The following CNST variants were observed in gnomAD, a reference collection of about 807,000 sequenced individuals.
CNST encodes consortin, connexin sorting protein.
CNST carries 39 observed loss-of-function variants against 72.4 expected under a neutral mutation model. The ratio of observed to expected loss-of-function variants is 0.54; its 90% CI spans 0.42 to 0.70. CNST has a LOEUF of 0.70. Ranked by LOEUF, CNST falls within the 30% of genes least tolerant of loss-of-function variation. The pLI, the probability that CNST is intolerant of heterozygous loss-of-function variation, is 0.00. For synonymous variants in CNST, 332 were observed against 320.1 expected (o/e 1.04, Z -0.40); for missense variants, 871 against 868.5 (o/e 1.00, Z -0.04).
intron 1 of CNST, among the ~76,000 whole-genome samples, chr1:246,571,409 C>T (rs1660059853): frequency 6.6e-6 from 1 of 152,202 alleles, no homozygotes. Flanking sequence ...CTCAGCCTCC[C>T]AAAGTGCTGG....
intron 2 of CNST, among the ~76,000 whole-genome samples, chr1:246,600,447 G>A (rs1266262042): frequency 6.6e-6 from 1 of 152,178 alleles, no homozygotes; most frequent in Non-Finnish European, 1.5e-5. Context: ...CAGAGTTAAG[G>A]GGTTTTACAG....
chr1:246,590,278 T>C (rs925813029), intron 1 of CNST, among the ~76,000 whole-genome samples: 2 of 152,102 alleles, frequency 1.3e-5, no homozygotes, highest in Non-Finnish European at 2.9e-5. Flanking sequence ...GGACAGAAAG[T>C]TTCGCAGGGC....
rs566407909 is a variant in CNST, at chr1:246,577,373, A to G, written c.-52+10710A>G. On this transcript the variant is annotated intron_variant, in intron 1 of 10. Coordinates refer to ENST00000366513, the MANE Select transcript of CNST (RefSeq NM_152609.3). ...TTCCGGTTCTCTTTCTAGACCCTCT[A>G]CTATCCTCTGTGTTTATTTTGAACT... Among the ~76,000 whole-genome samples, 66 of 152,036 alleles carry G rather than the reference A, an allele frequency of 4.3e-4. 1 individual carries two copies. In the South Asian group the frequency reaches 0.012, roughly 28 times the overall value.
chr1:246,626,451 C>CTTTTTTT lies in CNST; in HGVS notation c.585+4835_585+4841dup, dbSNP rs74163468. On this transcript the variant is annotated intron_variant, in intron 3 of 10. Coordinates refer to ENST00000366513, the MANE Select transcript of CNST (RefSeq NM_152609.3). ...TTTCATCCAATCCTGTAGGTTTGTCCTTTTTTTTTTTTTTTTTTTTTTTTG... is the reference window on the plus strand; with the variant it reads ...TTTCATCCAATCCTGTAGGTTTGTCCTTTTTTTTTTTTTTTTTTTTTTTTTTTTTTTG... Among the ~76,000 whole-genome samples the CTTTTTTT allele has an allele frequency of 9.9e-4, 79 of 79,956 alleles. 2 individuals carry two copies. Among genetic ancestry groups the CTTTTTTT allele is most frequent in the Non-Finnish European group, 1.1e-3 (50 of 44,148 alleles). 52.5% of individuals were successfully genotyped at this position (79,956 alleles called of 152,430 possible).
chr1:246,617,255 C>G (rs4654122), intron 2 of CNST, among the ~76,000 whole-genome samples: 73,474 of 152,006 alleles, frequency 0.48, 18,624 homozygotes, highest in Non-Finnish European at 0.56. Flanking sequence ...TATATACAAG[C>G]TCAATGATGT....
chr1:246,646,172 CG>C (rs1345960583), intron 8 of CNST, among the ~76,000 whole-genome samples: 2 of 150,076 alleles, frequency 1.3e-5, no homozygotes, highest in Non-Finnish European at 2.9e-5. Context: ...CCCAGCTACT[CG>C]GGAGGCTGAG....
At chr1:246,641,831 G>T (rs1442620299) in intron 7 of CNST, 61 bp downstream of exon 7, 7 of 1,240,924 alleles carry the variant, frequency 5.6e-6, no homozygotes, top group South Asian at 1.3e-5. Flanking sequence ...TATGTCTGTT[G>T]TATGGACTAT....
intron 2 of CNST, among the ~76,000 whole-genome samples, chr1:246,617,360 T>C (rs1389573707): frequency 6.6e-6 from 1 of 152,248 alleles, no homozygotes; most frequent in Non-Finnish European, 1.5e-5. Context: ...ATGAGTCATA[T>C]AAACTTTATT....
chr1:246,586,123 G>A (rs1182941149), intron 1 of CNST, among the ~76,000 whole-genome samples: 2 of 148,514 alleles, frequency 1.3e-5, no homozygotes, highest in Non-Finnish European at 3.0e-5. Context: ...GTGTGTGTGT[G>A]TGTGTGTGTG....
chr1:246,623,710 G>A (rs774604913), intron 3 of CNST, among the ~76,000 whole-genome samples: 30 of 151,496 alleles, frequency 2.0e-4, no homozygotes, highest in Non-Finnish European at 8.8e-5. Context: ...TGCAGTGGGC[G>A]GAGATCGCAC....
chr1:246,578,811 T>G (rs1310259619), intron 1 of CNST, among the ~76,000 whole-genome samples: 1 of 152,234 alleles, frequency 6.6e-6, no homozygotes, highest in Non-Finnish European at 1.5e-5. Context: ...TTATGGAATC[T>G]GCCCTACATA....
intron 6 of CNST, among the ~76,000 whole-genome samples, chr1:246,639,272 G>T (rs547918906): frequency 6.6e-6 from 1 of 152,262 alleles, no homozygotes; most frequent in East Asian, 1.9e-4. Context: ...AGACGGAAAG[G>T]GTGGGTAATC....
intron 1 of CNST, among the ~76,000 whole-genome samples, chr1:246,584,284 G>A (rs4494115): frequency 0.33 from 49,608 of 151,966 alleles, 8,747 homozygotes; most frequent in East Asian, 0.66. Context: ...ATCCGAAATC[G>A]CTAAGAAATA....
rs574941189 is a variant in CNST, at chr1:246,615,418, G to T, written c.380-6011G>T. Among the ~76,000 whole-genome samples, 8 of 151,808 alleles carry T rather than the reference G, an allele frequency of 5.3e-5. No homozygotes were observed. In the East Asian group the frequency reaches 1.6e-3, roughly 30 times the overall value. ...TCTCGATCTCCTGACCTCGTGATCC[G>T]CCTGCCTCGGCCTCCCAAAGTGCTG... On this transcript the variant is annotated intron_variant, in intron 2 of 10. Transcript: ENST00000366513.
chr1:246,570,712 A>G (rs1660019232), intron 1 of CNST, among the ~76,000 whole-genome samples: 1 of 152,216 alleles, frequency 6.6e-6, no homozygotes, highest in African/African-American at 2.4e-5. Flanking sequence ...GTTTGTATTT[A>G]AAACTAGATA....
intron 1 of CNST, among the ~76,000 whole-genome samples, chr1:246,580,927 C>T (rs189150723): frequency 6.9e-4 from 104 of 151,816 alleles, no homozygotes; most frequent in Admixed American, 1.2e-3. Context: ...TTTCAGTAGA[C>T]GGGATTTCAC....
chr1:246,569,932 T>G, intron 1 of CNST: 1 of 983,530 alleles, frequency 1.0e-6, no homozygotes, highest in Non-Finnish European at 1.2e-6. Context: ...AAGATTGAAC[T>G]TTATTGTGAA....
At chr1:246,572,919 C>T (rs1263848185) in intron 1 of CNST, among the ~76,000 whole-genome samples, 3 of 151,632 alleles carry the variant, frequency 2.0e-5, no homozygotes, top group Non-Finnish European at 4.4e-5. Context: ...TTTTTTTTTC[C>T]ACTTGTGAAG....
intron 8 of CNST, among the ~76,000 whole-genome samples, chr1:246,642,561 A>G (rs1323553246): frequency 1.3e-5 from 2 of 152,048 alleles, no homozygotes; most frequent in Non-Finnish European, 2.9e-5. Context: ...TAAAGCATTT[A>G]TGATGTATTT....
Sources: allele counts gnomAD v4.1 joint callset (sites outside exome capture counted in the v4.1 genomes callset), GRCh38; gene constraint gnomAD v4.1.1; transcripts MANE v1.5; gene names NCBI Gene and HGNC (gene_info 2026-07-23, HGNC 2026-07-21).